SLC39A11: variants seen among roughly 807,000 people sequenced by gnomAD.
SLC39A11 encodes the protein solute carrier family 39 member 11, also known as zinc transporter ZIP11.
Under a neutral mutation model 36.1 loss-of-function variants are expected in SLC39A11, and 33 were observed. The ratio of observed to expected loss-of-function variants is 0.91; its 90% CI spans 0.69 to 1.22. The LOEUF is 1.22. Ranked by LOEUF, SLC39A11 falls within the 50% of genes most tolerant of loss-of-function variation. The pLI, the probability that SLC39A11 is intolerant of heterozygous loss-of-function variation, is 0.00. For synonymous variants in SLC39A11, 166 were observed against 170.3 expected (o/e 0.97, Z 0.20); for missense variants, 432 against 430.3 (o/e 1.00, Z -0.03).
At chr17:72,976,941 G>A (rs2087896000) in intron 4 of SLC39A11, among the ~76,000 whole-genome samples, 1 of 152,186 alleles carries the variant, frequency 6.6e-6, no homozygotes, top group African/African-American at 2.4e-5. Flanking sequence ...AGGAGTGGTG[G>A]GAATTTCTAA....
chr17:73,086,205 T>A (rs981111114), intron 2 of SLC39A11, among the ~76,000 whole-genome samples: 1 of 152,160 alleles, frequency 6.6e-6, no homozygotes, highest in African/African-American at 2.4e-5. Flanking sequence ...TTTCTTGATC[T>A]GGGCTCTAGT....
intron 3 of SLC39A11, among the ~76,000 whole-genome samples, chr17:73,059,091 T>C (rs2059760031): frequency 6.6e-6 from 1 of 152,226 alleles, no homozygotes; most frequent in South Asian, 2.1e-4. Context: ...TCTGAGTCAT[T>C]TCTTAGTTAA....
intron 5 of SLC39A11, among the ~76,000 whole-genome samples, chr17:72,936,849 G>T (rs555418008): frequency 6.6e-6 from 1 of 152,148 alleles, no homozygotes; most frequent in African/African-American, 2.4e-5. Flanking sequence ...CACGTGTGCC[G>T]TTCACAACAG....
intron 4 of SLC39A11, among the ~76,000 whole-genome samples, chr17:73,025,636 A>G (rs1462169093): frequency 6.6e-6 from 1 of 152,182 alleles, no homozygotes; most frequent in Non-Finnish European, 1.5e-5. Context: ...CTGTGTAAAA[A>G]TGTATGCTTG....
At chr17:72,759,990 GT>G (rs199657415) in intron 6 of SLC39A11, among the ~76,000 whole-genome samples, 1 of 152,048 alleles carries the variant, frequency 6.6e-6, no homozygotes, top group South Asian at 2.1e-4. Flanking sequence ...AATCTTGTTT[GT>G]TTTTTTTCTT....
At chr17:72,855,663 G>A (rs1207507404) in intron 5 of SLC39A11, among the ~76,000 whole-genome samples, 6 of 152,324 alleles carry the variant, frequency 3.9e-5, no homozygotes, top group South Asian at 2.1e-4. Flanking sequence ...TTGGGAGGCC[G>A]AGGTGGGCAG....
At chr17:72,669,160 T>G (rs2070884186) in intron 7 of SLC39A11, among the ~76,000 whole-genome samples, 1 of 152,224 alleles carries the variant, frequency 6.6e-6, no homozygotes, top group Non-Finnish European at 1.5e-5. Context: ...TGTTTTTGTT[T>G]TTCTCAAAGT....
intron 5 of SLC39A11, among the ~76,000 whole-genome samples, chr17:72,885,559 G>T (rs2081401058): frequency 6.6e-6 from 1 of 152,018 alleles, no homozygotes; most frequent in Non-Finnish European, 1.5e-5. Context: ...AATCCCAAGG[G>T]CACTACTTAT....
At chr17:72,902,262 G>A (rs9892344) in intron 5 of SLC39A11, among the ~76,000 whole-genome samples, 94,097 of 150,200 alleles carry the variant, frequency 0.63, 31,219 homozygotes, top group African/African-American at 0.86. Flanking sequence ...TAAGAGCGAA[G>A]CTCTGTCTCC....
intron 6 of SLC39A11, among the ~76,000 whole-genome samples, chr17:72,748,167 C>T (rs1440181954): frequency 6.6e-6 from 1 of 152,048 alleles, no homozygotes; most frequent in Non-Finnish European, 1.5e-5. Context: ...CCTAAAAATA[C>T]AAACATTAGC....
At chr17:72,670,014 A>G (rs2070933143) in intron 7 of SLC39A11, among the ~76,000 whole-genome samples, 1 of 146,800 alleles carries the variant, frequency 6.8e-6, no homozygotes. Context: ...ACACATATAT[A>G]TACGTATAGA....
chr17:72,816,052 C>T (rs2077572479), intron 6 of SLC39A11, among the ~76,000 whole-genome samples: 1 of 152,220 alleles, frequency 6.6e-6, no homozygotes, highest in Non-Finnish European at 1.5e-5. Context: ...AATCCCTTAT[C>T]CTAACTCAGA....
At chr17:72,734,917 G>A (rs2074360412) in intron 7 of SLC39A11, among the ~76,000 whole-genome samples, 1 of 152,108 alleles carries the variant, frequency 6.6e-6, no homozygotes, top group African/African-American at 2.4e-5. Flanking sequence ...TTGTGGTCTA[G>A]TGGAGTCAGG....
At chr17:72,727,651 CAAAAAAAA>C (rs57874434) in intron 7 of SLC39A11, among the ~76,000 whole-genome samples, 1 of 73,178 alleles carries the variant, frequency 1.4e-5, no homozygotes, top group African/African-American at 4.3e-5. Context: ...GACTCCGTCT[CAAAAAAAA>C]AAAAAAAAAA....
intron 5 of SLC39A11, among the ~76,000 whole-genome samples, chr17:72,920,578 C>G (rs1169342815): frequency 6.6e-6 from 1 of 151,478 alleles, no homozygotes; most frequent in South Asian, 2.1e-4. Context: ...AAACCCCATA[C>G]ACACACACCC....
At chr17:72,665,389 G>GTTTTTTTTTTTTTTTTTTTTTTTTT (rs780329919) in intron 7 of SLC39A11, among the ~76,000 whole-genome samples, 5 of 76,614 alleles carry the variant, frequency 6.5e-5, no homozygotes, top group Non-Finnish European at 9.6e-5. Context: ...GTTTTGAGGT[G>GTTTTTTTTTTTTTTTTTTTTTTTTT]TTTTTTTTTT....
chr17:72,684,411 G>A (rs1014020326), intron 7 of SLC39A11, among the ~76,000 whole-genome samples: 4 of 152,220 alleles, frequency 2.6e-5, no homozygotes, highest in Admixed American at 6.5e-5. Context: ...TACAAGCCAG[G>A]ACAGAGGACC....
At chr17:73,072,362 GGGACT>G (rs2060187997) in intron 3 of SLC39A11, 1 of 152,228 alleles carries the variant, frequency 6.6e-6, no homozygotes, top group South Asian at 2.1e-4. Context: ...GGGACAGACA[GGGACT>G]GTTTGCAGGG....
At position 73,028,239 on chromosome 17, in the gene SLC39A11, A is replaced by T. The variant is rs1349475185; in HGVS notation, c.306+3317T>A. Among the ~76,000 whole-genome samples, 3 of 152,234 alleles carry T rather than the reference A, an allele frequency of 2.0e-5. No individual in the cohort carries two copies. The East Asian group carries it at 5.8e-4, about 29-fold the overall frequency. On this transcript the variant is annotated intron_variant, in intron 4 of 9. Coordinates refer to ENST00000255559, the MANE Select transcript of SLC39A11 (RefSeq NM_139177.4). ...AAGAAGGGCAAACATCCTGAACACA[A>T]ATTCTAGCCCTGCTCCTACCCTGTT...
Sources: gnomAD v4.1 joint callset for allele counts (sites outside exome capture counted in the v4.1 genomes callset) on GRCh38, gnomAD v4.1.1 for gene constraint, MANE v1.5 for transcripts, NCBI Gene and HGNC (gene_info 2026-07-23, HGNC 2026-07-21) for gene names.